IQCJ: variants seen among roughly 807,000 people sequenced by gnomAD.
IQCJ encodes IQ motif containing J, also known as IQ domain-containing protein J.
Under a neutral mutation model 11.0 loss-of-function variants are expected in IQCJ, and 9 were observed. The observed-to-expected ratio is 0.82, with a 90% CI of 0.49 to 1.43. The LOEUF (loss-of-function observed/expected upper bound fraction) is 1.43, where lower values mean the gene tolerates loss of function less well. Ranked by LOEUF, IQCJ falls within the 40% of genes most tolerant of loss-of-function variation. The pLI, the probability that IQCJ is intolerant of heterozygous loss-of-function variation, is 0.00. For synonymous variants in IQCJ, 55 were observed against 51.3 expected (o/e 1.07, Z -0.31); for missense variants, 146 against 133.2 (o/e 1.10, Z -0.47).
intron 1 of IQCJ, among the ~76,000 whole-genome samples, chr3:159,199,022 C>T (rs184211378): frequency 9.9e-5 from 15 of 152,204 alleles, no homozygotes; most frequent in Admixed American, 5.2e-4. Flanking sequence ...GTGGAATTCT[C>T]CTATTTCTGG....
At position 159,110,498 on chromosome 3, in the gene IQCJ, A is replaced by G. The variant is rs569247874; in HGVS notation, c.9+41057A>G. On this transcript the variant is annotated intron_variant, in intron 1 of 3. Transcript: ENST00000397832. Reference sequence around the variant, plus strand: ...CATTTCCTACAGGAAGGCTTTCTTCATGTCCAACCCAGACACAATGATTTG... The same window carrying G: ...CATTTCCTACAGGAAGGCTTTCTTCGTGTCCAACCCAGACACAATGATTTG... 1.5e-4 allele frequency among the ~76,000 whole-genome samples: 23 copies of G among 152,220 alleles called. No individual in the cohort carries two copies. The South Asian group carries it at 4.8e-3, about 32-fold the overall frequency.
At chr3:159,113,677 C>A (rs1212080761) in intron 1 of IQCJ, among the ~76,000 whole-genome samples, 1 of 152,150 alleles carries the variant, frequency 6.6e-6, no homozygotes, top group Non-Finnish European at 1.5e-5. Flanking sequence ...ATCATCAGTA[C>A]CTGTCAGATG....
At chr3:159,251,125 A>G (rs1443807233) in intron 2 of IQCJ, among the ~76,000 whole-genome samples, 1 of 152,052 alleles carries the variant, frequency 6.6e-6, no homozygotes, top group Non-Finnish European at 1.5e-5. Flanking sequence ...ACCCCAAGCT[A>G]TCTTGGGGTG....
intron 1 of IQCJ, among the ~76,000 whole-genome samples, chr3:159,168,808 TA>T (rs376629812): frequency 1.2e-4 from 18 of 147,902 alleles, no homozygotes; most frequent in East Asian, 3.9e-4. Context: ...AGCCATATGT[TA>T]AAAAAAAAAC....
intron 1 of IQCJ, among the ~76,000 whole-genome samples, chr3:159,121,990 A>C (rs1167219658): frequency 2.0e-5 from 3 of 152,220 alleles, no homozygotes; most frequent in Non-Finnish European, 4.4e-5. Flanking sequence ...TGGATGGCTT[A>C]TAAACAACAA....
At chr3:159,080,760 C>G (rs55969321) in intron 1 of IQCJ, among the ~76,000 whole-genome samples, 2,584 of 152,234 alleles carry the variant, frequency 0.017, 68 homozygotes, top group African/African-American at 0.06. Flanking sequence ...GGCCACACAG[C>G]TAGTGAGCTG....
chr3:159,246,485 A>G (rs181326245), intron 2 of IQCJ, among the ~76,000 whole-genome samples: 188 of 152,300 alleles, frequency 1.2e-3, no homozygotes, highest in African/African-American at 4.3e-3. Context: ...AGGTTTCAGC[A>G]ACTCCATGTA....
intron 1 of IQCJ, among the ~76,000 whole-genome samples, chr3:159,191,789 C>T (rs968674110): frequency 1.3e-5 from 2 of 152,184 alleles, no homozygotes; most frequent in African/African-American, 4.8e-5. Flanking sequence ...TAAAGCCATT[C>T]TGGAAATACT....
intron 1 of IQCJ, among the ~76,000 whole-genome samples, chr3:159,118,928 A>G (rs188630595): frequency 5.3e-5 from 8 of 152,140 alleles, no homozygotes; most frequent in Non-Finnish European, 7.4e-5. Flanking sequence ...CTCACTAACC[A>G]CTCTGGAGCA....
At chr3:159,248,527 A>G (rs1380000744) in intron 2 of IQCJ, among the ~76,000 whole-genome samples, 1 of 152,230 alleles carries the variant, frequency 6.6e-6, no homozygotes, top group African/African-American at 2.4e-5. Context: ...TACTGTTGTA[A>G]TGACATTAGG....
intron 1 of IQCJ, among the ~76,000 whole-genome samples, chr3:159,225,658 C>T (rs56168661): frequency 0.012 from 1,828 of 151,866 alleles, 32 homozygotes; most frequent in African/African-American, 0.042. Context: ...ACACCAAATA[C>T]GGTGTTTTTT....
At chr3:159,154,677 C>T (rs1721417500) in intron 1 of IQCJ, among the ~76,000 whole-genome samples, 1 of 152,128 alleles carries the variant, frequency 6.6e-6, no homozygotes, top group Admixed American at 6.5e-5. Flanking sequence ...GAAGTCCTTT[C>T]AAGCCTGCTG....
intron 1 of IQCJ, among the ~76,000 whole-genome samples, chr3:159,223,727 CA>C (rs1332301193): frequency 6.6e-6 from 1 of 152,032 alleles, no homozygotes; most frequent in African/African-American, 2.4e-5. Context: ...TCTGAAAATC[CA>C]AAATTCAAAA....
intron 1 of IQCJ, among the ~76,000 whole-genome samples, chr3:159,164,188 T>G (rs1333584597): frequency 6.6e-6 from 1 of 152,208 alleles, no homozygotes; most frequent in Non-Finnish European, 1.5e-5. Flanking sequence ...ATGAGTCATG[T>G]CAAAAGGTTG....
At chr3:159,157,620 GAT>G (rs1577047941) in intron 1 of IQCJ, among the ~76,000 whole-genome samples, 1 of 152,172 alleles carries the variant, frequency 6.6e-6, no homozygotes. Context: ...TATAGATACA[GAT>G]ATAGGAATGT....
In IQCJ at chr3:159,109,527, T is replaced by TAAAAA. The variant is rs3051445; in HGVS notation, c.9+40101_9+40105dup. Reference sequence around the variant, plus strand: ...GTAGAGTAGCCTTACTTGTATTAACTAAAAAAAAAAAAAAAAAAACCAGTT... The same window carrying TAAAAA: ...GTAGAGTAGCCTTACTTGTATTAACTAAAAAAAAAAAAAAAAAAAAAAAACCAGTT... On this transcript the variant is annotated intron_variant, in intron 1 of 3. Coordinates refer to ENST00000397832, the MANE Select transcript of IQCJ (RefSeq NM_001042706.3). 2.1e-4 allele frequency among the ~76,000 whole-genome samples: 26 copies of TAAAAA among 122,670 alleles called. 7 individuals carry two copies. The highest frequency in any genetic ancestry group is 1.0e-3 in the East Asian group (4 of 3,940). 80.5% of individuals were successfully genotyped at this position (122,670 alleles called of 152,430 possible). A position where few individuals can be genotyped will look rare whatever the true frequency, so the allele number is the denominator to read the frequency against.
chr3:159,090,272 G>T (rs1004035476), intron 1 of IQCJ, among the ~76,000 whole-genome samples: 2 of 151,770 alleles, frequency 1.3e-5, no homozygotes, highest in African/African-American at 4.9e-5. Context: ...ACTTAAGGAG[G>T]CAGTCTGCCC....
intron 1 of IQCJ, among the ~76,000 whole-genome samples, chr3:159,198,076 A>G (rs1724095942): frequency 6.6e-6 from 1 of 152,136 alleles, no homozygotes; most frequent in South Asian, 2.1e-4. Flanking sequence ...TGAATTTTAA[A>G]AGTAGGTCGT....
intron 1 of IQCJ, among the ~76,000 whole-genome samples, chr3:159,180,893 T>C (rs907590029): frequency 6.6e-6 from 1 of 152,070 alleles, no homozygotes; most frequent in African/African-American, 2.4e-5. Flanking sequence ...GTCATCAAGT[T>C]ATATGTCCAG....
Sources: allele counts gnomAD v4.1 joint callset (sites outside exome capture counted in the v4.1 genomes callset), GRCh38; gene constraint gnomAD v4.1.1; transcripts MANE v1.5; gene names NCBI Gene and HGNC (gene_info 2026-07-23, HGNC 2026-07-21).